Variants in ASXL3 observed in about 807,000 individuals in gnomAD.
ASXL3 encodes the protein putative Polycomb group protein ASXL3.
A neutral mutation model predicts 170.6 loss-of-function variants in ASXL3; 34 were observed. That is an observed-to-expected ratio of 0.20 (90% confidence interval 0.15 to 0.27). ASXL3 has a LOEUF of 0.27. ASXL3 is among the 10% of genes least tolerant of loss of function. The pLI is 1.00. For synonymous variants in ASXL3, 1,002 were observed against 989.1 expected (o/e 1.01, Z -0.24); for missense variants, 2,592 against 2,695.3 (o/e 0.96, Z 0.85).
At chr18:33,709,577 C>T (rs1006074057) in intron 8 of ASXL3, among the ~76,000 whole-genome samples, 1 of 152,026 alleles carries the variant, frequency 6.6e-6, no homozygotes, top group South Asian at 2.1e-4. Context: ...TCAAAAAAAG[C>T]AAAACTAATC....
intron 2 of ASXL3, among the ~76,000 whole-genome samples, chr18:33,641,576 C>T (rs780945123): frequency 1.8e-4 from 28 of 152,094 alleles, no homozygotes; most frequent in South Asian, 1.5e-3. Context: ...ATGAAAACAT[C>T]GTAGAAGTAT....
At chr18:33,626,236 G>C (rs1455234627) in intron 2 of ASXL3, among the ~76,000 whole-genome samples, 1 of 151,920 alleles carries the variant, frequency 6.6e-6, no homozygotes, top group East Asian at 1.9e-4. Flanking sequence ...ATTCTTTTTT[G>C]ATTTTTATGT....
Position 33,667,464 on chromosome 18 carries a change from T to C in ASXL3, c.478-3209T>C, listed in dbSNP as rs189743711. 4.6e-5 allele frequency among the ~76,000 whole-genome samples: 7 copies of C among 152,332 alleles called. No individual in the cohort carries two copies. In the East Asian group the frequency reaches 1.4e-3, roughly 29 times the overall value. On this transcript the variant is annotated intron_variant, in intron 5 of 11. Coordinates refer to ENST00000269197, the MANE Select transcript of ASXL3 (RefSeq NM_030632.3). ...CCTTGGCAACCATTTTGGAGTTCTT[T>C]GCTTTCTCTGTAAACTCCCTACTCC...
intron 2 of ASXL3, among the ~76,000 whole-genome samples, chr18:33,643,249 A>C (rs2065871954): frequency 6.6e-6 from 1 of 151,888 alleles, no homozygotes; most frequent in African/African-American, 2.4e-5. Flanking sequence ...TGTATTGCAT[A>C]ATTTATTTGG....
chr18:33,673,849 C>A (rs930160839), intron 7 of ASXL3, among the ~76,000 whole-genome samples: 1 of 152,150 alleles, frequency 6.6e-6, no homozygotes, highest in African/African-American at 2.4e-5. Flanking sequence ...GAAGTATTTC[C>A]GCTGACTTGT....
At chr18:33,691,860 G>T (rs1238235116) in intron 8 of ASXL3, among the ~76,000 whole-genome samples, 1 of 152,280 alleles carries the variant, frequency 6.6e-6, no homozygotes, top group Non-Finnish European at 1.5e-5. Context: ...AACAATATGT[G>T]CCAGTAATAA....
At chr18:33,606,626 AT>A (rs1191918334) in intron 1 of ASXL3, among the ~76,000 whole-genome samples, 1 of 152,028 alleles carries the variant, frequency 6.6e-6, no homozygotes, top group African/African-American at 2.4e-5. Flanking sequence ...ATAATCATAG[AT>A]TAGAACTCTA....
At chr18:33,726,246 G>A (rs1369436622) in intron 8 of ASXL3, among the ~76,000 whole-genome samples, 1 of 152,068 alleles carries the variant, frequency 6.6e-6, no homozygotes, top group Non-Finnish European at 1.5e-5. Context: ...AAATTATGCT[G>A]GCTCAACCTT....
chr18:33,649,511 T>C (rs959463791), intron 4 of ASXL3: 1 of 152,082 alleles, frequency 6.6e-6, no homozygotes, highest in African/African-American at 2.4e-5. Flanking sequence ...ATTAAGGACA[T>C]TCTTAAGGTT....
chr18:33,641,112 T>A (rs1283800915), intron 2 of ASXL3, among the ~76,000 whole-genome samples: 1 of 152,110 alleles, frequency 6.6e-6, no homozygotes, highest in East Asian at 1.9e-4. Flanking sequence ...AGGTATTCTG[T>A]CTAGTTTTTA....
intron 2 of ASXL3, among the ~76,000 whole-genome samples, chr18:33,625,112 TG>T (rs1211016174): frequency 6.6e-6 from 1 of 152,058 alleles, no homozygotes; most frequent in African/African-American, 2.4e-5. Flanking sequence ...CCAAGAAATA[TG>T]GTTTCTTCTT....
intron 5 of ASXL3, among the ~76,000 whole-genome samples, chr18:33,668,255 G>A (rs183078470): frequency 3.9e-5 from 6 of 152,026 alleles, no homozygotes; most frequent in Admixed American, 3.9e-4. Context: ...GTGAAACCCT[G>A]TCTCTACTAA....
At position 33,734,383 on chromosome 18, in the gene ASXL3, A is replaced by G; in HGVS notation, c.1050A>G (p.Lys350=). The G allele has an allele frequency of 6.2e-7, 1 of 1,608,194 alleles. No individual in the cohort carries two copies. The highest frequency in any genetic ancestry group is 8.5e-7 in the Non-Finnish European group (1 of 1,177,842). The change falls in exon 10 of 12, where the codon AAA becomes AAG. Residue 350 remains lysine, a synonymous_variant. Transcript: ENST00000269197. ...IEKEKKTEPW[K]EKFFERFYGE... is the part of the protein sequence containing the mutation. ...AGGAAAAGAAAACAGAACCTTGGAA[A>G]GAAAAATTCTTTGAGAGGTTTTATG...
At chr18:33,597,420 T>C (rs191651669) in intron 1 of ASXL3, among the ~76,000 whole-genome samples, 18 of 152,254 alleles carry the variant, frequency 1.2e-4, no homozygotes, top group Admixed American at 1.2e-3. Flanking sequence ...TTTCTATTAT[T>C]TTATGGTATG....
intron 2 of ASXL3, chr18:33,614,758 A>G (rs2145138404): frequency 6.6e-6 from 1 of 152,162 alleles, no homozygotes; most frequent in African/African-American, 2.4e-5. Context: ...CTCTTTGTAC[A>G]TCTCCCTCAT....
At chr18:33,616,849 C>T (rs2065430811) in intron 2 of ASXL3, 1 of 152,104 alleles carries the variant, frequency 6.6e-6, no homozygotes, top group Non-Finnish European at 1.5e-5. Context: ...TATAAGGACA[C>T]CAATCCTATT....
At chr18:33,720,532 G>A (rs2067242084) in intron 8 of ASXL3, among the ~76,000 whole-genome samples, 1 of 151,964 alleles carries the variant, frequency 6.6e-6, no homozygotes, top group Non-Finnish European at 1.5e-5. Flanking sequence ...ATTATAAAAC[G>A]TTGTCTTTTA....
intron 1 of ASXL3, among the ~76,000 whole-genome samples, chr18:33,601,701 A>T (rs2065184437): frequency 1.3e-5 from 2 of 150,556 alleles, no homozygotes; most frequent in South Asian, 4.2e-4. Flanking sequence ...AGATAACACT[A>T]ATTAATGACA....
intron 8 of ASXL3, among the ~76,000 whole-genome samples, chr18:33,727,501 A>T (rs574082945): frequency 6.6e-6 from 1 of 152,214 alleles, no homozygotes; most frequent in Admixed American, 6.5e-5. Flanking sequence ...AAAGAGTATA[A>T]ACCTTTATAA....
Sources: allele counts gnomAD v4.1 joint callset (sites outside exome capture counted in the v4.1 genomes callset), GRCh38; gene constraint gnomAD v4.1.1; transcripts MANE v1.5; gene names NCBI Gene and HGNC (gene_info 2026-07-23, HGNC 2026-07-21).